The following NADK2 variants were observed in gnomAD, a reference collection of about 807,000 sequenced individuals.
NADK2 encodes NAD kinase domain-containing protein 1, mitochondrial.
NADK2 carries 35 observed loss-of-function variants against 62.1 expected under a neutral mutation model. The ratio of observed to expected loss-of-function variants is 0.56; its 90% CI spans 0.43 to 0.75. The LOEUF is 0.75. Ranked by LOEUF, NADK2 falls within the 30% of genes least tolerant of loss-of-function variation. The pLI is 0.00. For synonymous variants in NADK2, 205 were observed against 207.9 expected (o/e 0.99, Z 0.12); for missense variants, 439 against 561.3 (o/e 0.78, Z 2.20).
At position 36,237,472 on chromosome 5, in the gene NADK2, A is replaced by C. The variant is rs74633122; in HGVS notation, c.300+4027T>G. Among the ~76,000 whole-genome samples, 1,826 of 152,338 alleles carry C rather than the reference A, an allele frequency of 0.012. 144 individuals are homozygous for C. The East Asian group carries it at 0.21, about 18-fold the overall frequency. The stretch of plus-strand genomic sequence containing the variant: ...TTCTGGAAGAAAACACAAGAAATTG[A>C]TAACAGTTACTTCCAGGGACAAAAC... On this transcript the variant is annotated intron_variant, in intron 1 of 11. Coordinates refer to ENST00000381937, the MANE Select transcript of NADK2 (RefSeq NM_001085411.3).
intron 11 of NADK2, among the ~76,000 whole-genome samples, chr5:36,195,514 T>G (rs1746199548): frequency 6.7e-6 from 1 of 149,318 alleles, no homozygotes; most frequent in African/African-American, 2.6e-5. Flanking sequence ...CAGACCTGAC[T>G]GAACTCACAG....
At chr5:36,196,217 G>A (rs1437337224) in intron 11 of NADK2, among the ~76,000 whole-genome samples, 3 of 152,222 alleles carry the variant, frequency 2.0e-5, no homozygotes, top group East Asian at 3.9e-4. Context: ...GGTTTGCTAG[G>A]TAATTGCCAA....
chr5:36,211,630 C>T (rs1197172035), intron 7 of NADK2, among the ~76,000 whole-genome samples: 1 of 151,950 alleles, frequency 6.6e-6, no homozygotes, highest in Admixed American at 6.6e-5. Flanking sequence ...TTTATTTAAT[C>T]TAGGGTTTCA....
At chr5:36,200,359 A>G (rs538825237) in intron 9 of NADK2, 79 bp from the exon 10 acceptor site, 5 of 795,620 alleles carry the variant, frequency 6.3e-6, no homozygotes, top group East Asian at 3.7e-5. Context: ...AAAAAGGGGG[A>G]AAAATGCTTA....
rs1218021845 is a variant in NADK2 at position 36,225,767 on chromosome 5, T to C, written c.479-144A>G. The C allele has an allele frequency of 3.4e-5, 21 of 618,668 alleles. No homozygotes were observed. In the South Asian group the frequency reaches 4.5e-4, roughly 13 times the overall value. 38.3% of individuals were successfully genotyped at this position (618,668 alleles called of 1,614,324 possible). On this transcript the variant is annotated intron_variant, in intron 3 of 11. Transcript: ENST00000381937. The stretch of plus-strand genomic sequence containing the variant: ...CCTATCCCACTCCCTTTCTACCTAT[T>C]ATACCTTTGGATTCTCTCTCCCACT...
At chr5:36,221,275 T>C (rs971474125) in intron 4 of NADK2, 6 of 152,332 alleles carry the variant, frequency 3.9e-5, no homozygotes, top group African/African-American at 1.2e-4. Context: ...GTGGGCCATC[T>C]TGAAAGTGGA....
chr5:36,231,918 T>A (rs191355050), intron 1 of NADK2, among the ~76,000 whole-genome samples: 163 of 151,766 alleles, frequency 1.1e-3, no homozygotes, highest in Non-Finnish European at 1.7e-3. Flanking sequence ...AACCTGTTAA[T>A]TCTTCTCTCC....
At position 36,211,380 on chromosome 5, in the gene NADK2, A is replaced by G. The variant is rs543811610; in HGVS notation, c.860+464T>C. Among the ~76,000 whole-genome samples, 7 of 151,962 alleles carry G rather than the reference A, an allele frequency of 4.6e-5. No individual in the cohort carries two copies. The East Asian group carries it at 1.2e-3, about 25-fold the overall frequency. ...CCTGACTTCCCGCAACAATGGTGAA[A>G]CCCCATCTCTACTACAAATAAAAAA... On this transcript the variant is annotated intron_variant, in intron 7 of 11. Coordinates refer to ENST00000381937, the MANE Select transcript of NADK2 (RefSeq NM_001085411.3).
At chr5:36,213,815 C>G (rs1366345145) in intron 6 of NADK2, among the ~76,000 whole-genome samples, 2 of 151,852 alleles carry the variant, frequency 1.3e-5, no homozygotes, top group East Asian at 3.9e-4. Context: ...ATTACTATCC[C>G]CACAGATTTC....
rs372932368 is a variant in NADK2 at position 36,194,908 on chromosome 5, G to C, written c.*236C>G. The C allele has an allele frequency of 3.1e-5, 12 of 381,888 alleles. No individual in the cohort carries two copies. The highest frequency in any genetic ancestry group is 2.8e-4 in the Admixed American group (6 of 21,670). 23.7% of individuals were successfully genotyped at this position (381,888 alleles called of 1,614,324 possible). On this transcript the variant is annotated 3_prime_UTR_variant, in exon 12 of 12. Coordinates refer to ENST00000381937, the MANE Select transcript of NADK2 (RefSeq NM_001085411.3). ...CAGCACTCTTGGTTACCAATTGTAA[G>C]CAATATAAAAATTTCACTGGTATCA...
intron 8 of NADK2, among the ~76,000 whole-genome samples, chr5:36,206,407 C>G (rs578240622): frequency 2.6e-5 from 4 of 151,036 alleles, no homozygotes; most frequent in African/African-American, 9.7e-5. Flanking sequence ...AAGGTGCAGG[C>G]TTGGACCAAA....
intron 4 of NADK2, chr5:36,221,126 G>GA (rs972175727): frequency 6.6e-6 from 1 of 152,218 alleles, no homozygotes; most frequent in African/African-American, 2.4e-5. Flanking sequence ...CTTGGAGGCT[G>GA]ACTACCACAT....
chr5:36,227,389 A>C (rs757829467), intron 2 of NADK2, 88 bp downstream of exon 2: 2 of 522,830 alleles, frequency 3.8e-6, no homozygotes, highest in Non-Finnish European at 6.1e-6. Flanking sequence ...ATCATCACTA[A>C]AAATCTAAGA....
intron 4 of NADK2, among the ~76,000 whole-genome samples, chr5:36,224,842 G>A (rs1170826584): frequency 6.6e-6 from 1 of 152,102 alleles, no homozygotes; most frequent in East Asian, 1.9e-4. Flanking sequence ...ACGAAGCTAA[G>A]GAAGGAAACA....
chr5:36,241,654 G>A lies in NADK2; in HGVS notation c.145C>T (p.Gln49Ter). 7.9e-7 allele frequency: 1 copy of A among 1,263,352 alleles called. No individual in the cohort carries two copies. Among genetic ancestry groups the A allele is most frequent in the Non-Finnish European group, 9.9e-7 (1 of 1,007,732 alleles). The allele number at this position is 1,263,352 out of a possible 1,614,324, so 78.3% of individuals were successfully genotyped here. Residue 49 changes from glutamine to a stop codon, truncating the protein, a stop_gained, in exon 1 of 12, where the codon CAG (glutamine) becomes TAG (stop). Coordinates refer to ENST00000381937, the MANE Select transcript of NADK2 (RefSeq NM_001085411.3). LOFTEE classifies it high-confidence loss of function. This position sits in a 1 kb window ranked among gnomAD's most constrained non-coding sequence, Gnocchi z 4.9. ...GDGGGRRHLG[Q>*]GQPRELAGCG... ...CCCGCCAGCTCGCGCGGCTGCCCCT[G>A]CCCCAGGTGCCGCCGGCCGCCACCG...
At position 36,211,748 on chromosome 5, in the gene NADK2, T is replaced by G. The variant is rs77923483; in HGVS notation, c.860+96A>C. On this transcript the variant is annotated intron_variant, in intron 7 of 11. Transcript: ENST00000381937. ...TGAACTGCCATTACTTGCAAAATAT[T>G]ATTCACAAATCTTAGCCAGGTTGTA... The G allele has an allele frequency of 1.0e-3, 1,060 of 1,026,864 alleles. 8 individuals are homozygous for G. The African/African-American group carries it at 0.015, about 15-fold the overall frequency. The allele number at this position is 1,026,864 out of a possible 1,614,324, so 63.6% of individuals were successfully genotyped here. A position where few individuals can be genotyped will look rare whatever the true frequency, so the allele number is the denominator to read the frequency against.
Position 36,195,189 on chromosome 5 carries a change from C to A in NADK2, c.1284G>T (p.Met428Ile), listed in dbSNP as rs1236015980. The change falls in exon 12 of 12, where the codon ATG becomes ATT. Residue 428 changes from methionine to isoleucine, a missense_variant. Coordinates refer to ENST00000381937, the MANE Select transcript of NADK2 (RefSeq NM_001085411.3). ...EFNDGAIASMMINKEDELRTV... is the reference protein window; with the variant it reads ...EFNDGAIASMIINKEDELRTV... ...TTCGAAGCTCATCTTCTTTATTGATCATCATCGAAGCAATTGCACCATCAT... is the reference window on the plus strand; with the variant it reads ...TTCGAAGCTCATCTTCTTTATTGATAATCATCGAAGCAATTGCACCATCAT... The A allele has an allele frequency of 3.7e-6, 6 of 1,613,276 alleles. No homozygotes were observed. Among genetic ancestry groups the A allele is most frequent in the Non-Finnish European group, 5.1e-6 (6 of 1,179,696 alleles).
At chr5:36,208,772 CAG>C in intron 7 of NADK2, 2 of 897,274 alleles carry the variant, frequency 2.2e-6, no homozygotes, top group Non-Finnish European at 3.4e-6. Flanking sequence ...ATAAATGAGG[CAG>C]GAATAATATT....
intron 6 of NADK2, 49 bp from the exon 7 acceptor site, chr5:36,211,971 TAG>T (rs768898319): frequency 7.2e-7 from 1 of 1,389,024 alleles, no homozygotes; most frequent in Non-Finnish European, 1.0e-6. Context: ...CCTTGATTTC[TAG>T]AAATGTTATA....
Sources: gnomAD v4.1 joint callset for allele counts (sites outside exome capture counted in the v4.1 genomes callset) on GRCh38, gnomAD v4.1.1 for gene constraint, Gnocchi (gnomAD v3.1) non-coding constraint, MANE v1.5 for transcripts, NCBI Gene and HGNC (gene_info 2026-07-23, HGNC 2026-07-21) for gene names.